The following PRKCA variants were observed in gnomAD, a reference collection of about 807,000 sequenced individuals.
PRKCA encodes the protein protein kinase C alpha, also known as protein kinase C alpha type.
In PRKCA, 27 loss-of-function variants were observed where a neutral mutation model predicts 87.0. The observed-to-expected ratio is 0.31, with a 90% confidence interval of 0.23 to 0.43. The LOEUF is 0.43. Ranked by LOEUF, PRKCA falls within the 20% of genes least tolerant of loss-of-function variation. The pLI, the probability that PRKCA is intolerant of heterozygous loss-of-function variation, is 1.00. For missense variants in PRKCA, 518 were observed against 852.3 expected (o/e 0.61, Z 4.88); for synonymous variants, 329 against 311.1 (o/e 1.06, Z -0.61).
chr17:66,691,731 A>T (rs142806787), intron 8 of PRKCA, among the ~76,000 whole-genome samples: 1 of 152,002 alleles, frequency 6.6e-6, no homozygotes, highest in Non-Finnish European at 1.5e-5. Context: ...ATGTTATGCC[A>T]TGGTGTTGAT....
At chr17:66,425,976 G>A (rs1410152273) in intron 2 of PRKCA, among the ~76,000 whole-genome samples, 2 of 152,156 alleles carry the variant, frequency 1.3e-5, no homozygotes, top group Non-Finnish European at 2.9e-5. Context: ...TGAGCACAGT[G>A]AGTCCCTGTC....
chr17:66,317,460 A>G (rs1905382389), intron 2 of PRKCA, among the ~76,000 whole-genome samples: 1 of 152,230 alleles, frequency 6.6e-6, no homozygotes, highest in South Asian at 2.1e-4. Flanking sequence ...GGATGCTGGA[A>G]CAGAAGCTAA....
intron 2 of PRKCA, among the ~76,000 whole-genome samples, chr17:66,340,948 G>C (rs574716894): frequency 1.2e-4 from 19 of 152,218 alleles, no homozygotes; most frequent in Admixed American, 5.2e-4. Context: ...AGTTCTGTGG[G>C]AATCAGAGGA....
intron 13 of PRKCA, among the ~76,000 whole-genome samples, chr17:66,752,658 G>A (rs1217901948): frequency 6.6e-6 from 1 of 152,310 alleles, no homozygotes; most frequent in African/African-American, 2.4e-5. Flanking sequence ...CCCGGCAGGT[G>A]GACTCCTTGC....
At chr17:66,338,357 C>T (rs1334629003) in intron 2 of PRKCA, among the ~76,000 whole-genome samples, 1 of 152,100 alleles carries the variant, frequency 6.6e-6, no homozygotes, top group Non-Finnish European at 1.5e-5. Flanking sequence ...TGCAAAACCC[C>T]CACTTTGGCT....
At chr17:66,356,403 A>G (rs1238796176) in intron 2 of PRKCA, among the ~76,000 whole-genome samples, 1 of 152,184 alleles carries the variant, frequency 6.6e-6, no homozygotes, top group African/African-American at 2.4e-5. Context: ...TGGGAGGCCA[A>G]GGCAGGCAGA....
intron 15 of PRKCA, among the ~76,000 whole-genome samples, chr17:66,788,166 C>G (rs1421809412): frequency 2.6e-5 from 4 of 152,272 alleles, no homozygotes; most frequent in South Asian, 4.1e-4. Flanking sequence ...GTACAATATA[C>G]CCTTAACAGT....
At chr17:66,544,665 T>G (rs1968092242) in intron 3 of PRKCA, among the ~76,000 whole-genome samples, 1 of 152,160 alleles carries the variant, frequency 6.6e-6, no homozygotes, top group African/African-American at 2.4e-5. Flanking sequence ...TGATCTCAGC[T>G]CACTGCAACC....
intron 2 of PRKCA, among the ~76,000 whole-genome samples, chr17:66,436,485 C>T (rs1336079136): frequency 6.6e-6 from 1 of 152,140 alleles, no homozygotes; most frequent in African/African-American, 2.4e-5. Context: ...CAGTGCCTGG[C>T]GTGTGGTAAG....
intron 3 of PRKCA, among the ~76,000 whole-genome samples, chr17:66,566,048 T>G (rs961636122): frequency 6.6e-6 from 1 of 152,080 alleles, no homozygotes; most frequent in African/African-American, 2.4e-5. Context: ...GATTTAAATT[T>G]TAGATAGATC....
Position 66,433,879 on chromosome 17 carries a change from C to T in PRKCA, c.206-62322C>T, listed in dbSNP as rs1054722251. ...AGTTTCTGAAACATCTCACTCAAAC[C>T]TCCAGCAGTGAGGCCTGGGCACCTG... On this transcript the variant is annotated intron_variant, in intron 2 of 16. Transcript: ENST00000413366. Among the ~76,000 whole-genome samples the T allele has an allele frequency of 9.0e-4, 137 of 152,286 alleles. 1 individual carries two copies. The highest frequency in any genetic ancestry group is 3.4e-3 in the Middle Eastern group (1 of 294).
rs553267124 is a variant in PRKCA, at chr17:66,761,138, G to A, written c.1525-12849G>A. ...TGTAATCCCAACACTTTGGGAGGCC[G>A]AGGTGGGCGGATCACAAGGTCAGGA... On this transcript the variant is annotated intron_variant, in intron 13 of 16. Transcript: ENST00000413366. Among the ~76,000 whole-genome samples the A allele has an allele frequency of 1.3e-3, 193 of 152,208 alleles. 1 individual carries two copies. The highest frequency in any genetic ancestry group is 2.2e-3 in the Non-Finnish European group (152 of 68,032).
At chr17:66,717,513 A>G (rs1973508111) in intron 8 of PRKCA, among the ~76,000 whole-genome samples, 1 of 152,186 alleles carries the variant, frequency 6.6e-6, no homozygotes, top group South Asian at 2.1e-4. Context: ...CATCTGTAAC[A>G]TGGGCAGCCT....
At chr17:66,384,180 AG>A (rs1348540626) in intron 2 of PRKCA, among the ~76,000 whole-genome samples, 1 of 152,188 alleles carries the variant, frequency 6.6e-6, no homozygotes, top group African/African-American at 2.4e-5. Context: ...CCCGCACTTT[AG>A]GGCCAAGAGT....
At chr17:66,435,876 G>A (rs548135057) in intron 2 of PRKCA, among the ~76,000 whole-genome samples, 5 of 152,186 alleles carry the variant, frequency 3.3e-5, no homozygotes, top group Middle Eastern at 3.4e-3. Flanking sequence ...AGGAGATTGC[G>A]TGTTTGACAT....
In PRKCA at chr17:66,763,903, A is replaced by G. The variant is rs552215765; in HGVS notation, c.1525-10084A>G. 2.0e-5 allele frequency among the ~76,000 whole-genome samples: 3 copies of G among 152,292 alleles called. No individual in the cohort carries two copies. In the South Asian group the frequency reaches 6.2e-4, roughly 32 times the overall value. ...AGAGCCAAGAGCTCCTGAGTGAAGG[A>G]GGCATCTTGGCTGTTTTGATCCTGT... is the stretch of plus-strand genomic sequence containing the variant. On this transcript the variant is annotated intron_variant, in intron 13 of 16. Transcript: ENST00000413366.
intron 5 of PRKCA, among the ~76,000 whole-genome samples, chr17:66,653,518 G>A (rs1430838092): frequency 6.6e-6 from 1 of 152,194 alleles, no homozygotes; most frequent in Non-Finnish European, 1.5e-5. Flanking sequence ...TTGAACCCAG[G>A]AGTTCGAGGT....
intron 13 of PRKCA, 60 bp from the exon 14 acceptor site, chr17:66,773,927 G>C (rs1250317884): frequency 5.0e-6 from 8 of 1,608,196 alleles, no homozygotes; most frequent in Middle Eastern, 1.7e-4. Context: ...TGACTTACCT[G>C]TTCTGACAGG....
chr17:66,320,391 A>ATTTT (rs1905587847), intron 2 of PRKCA, among the ~76,000 whole-genome samples: 3 of 139,962 alleles, frequency 2.1e-5, no homozygotes, highest in African/African-American at 8.0e-5. Context: ...TTTTTTTTAA[A>ATTTT]AAAAGAAAGC....
Sources: allele counts gnomAD v4.1 joint callset (sites outside exome capture counted in the v4.1 genomes callset), GRCh38; gene constraint gnomAD v4.1.1; transcripts MANE v1.5; gene names NCBI Gene and HGNC (gene_info 2026-07-23, HGNC 2026-07-21).